Variants in C8orf34 observed in about 807,000 individuals in gnomAD.
C8orf34 encodes the protein chromosome 8 open reading frame 34, also known as uncharacterized protein C8orf34.
In C8orf34, 65 loss-of-function variants were observed where a neutral mutation model predicts 68.3. The ratio of observed to expected loss-of-function variants is 0.95; its 90% CI spans 0.78 to 1.17. C8orf34 has a LOEUF of 1.17. Ranked by LOEUF, C8orf34 falls within the 50% of genes most tolerant of loss-of-function variation. The probability of loss-of-function intolerance (pLI) is 0.00; values close to 1 mark genes in which losing one functional copy is unlikely to be tolerated. For missense variants in C8orf34, 664 were observed against 655.4 expected (o/e 1.01, Z -0.14); for synonymous variants, 244 against 241.2 (o/e 1.01, Z -0.11).
chr8:68,534,371 A>T (rs1413876516), intron 7 of C8orf34: 18 of 968,398 alleles, frequency 1.9e-5, no homozygotes, highest in Non-Finnish European at 2.2e-5. Flanking sequence ...TTTACTGAGC[A>T]CTTACTCTAT....
intron 5 of C8orf34, among the ~76,000 whole-genome samples, chr8:68,494,896 C>G (rs28544398): frequency 6.6e-6 from 1 of 150,402 alleles, no homozygotes; most frequent in East Asian, 1.9e-4. Context: ...AAATATATAT[C>G]TCTCTCAAAA....
At chr8:68,487,984 T>C in intron 4 of C8orf34, 39 bp from the exon 5 acceptor site, 1 of 1,450,298 alleles carries the variant, frequency 6.9e-7, no homozygotes, top group Non-Finnish European at 9.6e-7. Context: ...TAAAGATTGC[T>C]TCTAAAACTT....
At chr8:68,531,015 C>T (rs901323319) in intron 6 of C8orf34, among the ~76,000 whole-genome samples, 1 of 152,074 alleles carries the variant, frequency 6.6e-6, no homozygotes, top group East Asian at 1.9e-4. Flanking sequence ...GAACATTTTA[C>T]CATCTTTATC....
At chr8:68,642,581 A>T (rs1023363017) in intron 8 of C8orf34, among the ~76,000 whole-genome samples, 1 of 152,230 alleles carries the variant, frequency 6.6e-6, no homozygotes, top group African/African-American at 2.4e-5. Flanking sequence ...GGGTATTAGC[A>T]TCTTCACTGG....
intron 10 of C8orf34, among the ~76,000 whole-genome samples, chr8:68,751,477 T>G (rs976471125): frequency 1.1e-4 from 17 of 152,172 alleles, no homozygotes; most frequent in African/African-American, 4.1e-4. Context: ...CTGCAAAGGC[T>G]AAAGGACTTA....
chr8:68,513,407 T>C (rs1001940415), intron 5 of C8orf34, among the ~76,000 whole-genome samples: 1 of 152,158 alleles, frequency 6.6e-6, no homozygotes, highest in Non-Finnish European at 1.5e-5. Context: ...AAGGAACTTA[T>C]TCTCTAAGGT....
chr8:68,519,524 A>G (rs568120251), intron 5 of C8orf34, among the ~76,000 whole-genome samples: 7 of 152,112 alleles, frequency 4.6e-5, no homozygotes, highest in African/African-American at 1.7e-4. Flanking sequence ...AATTGAGATA[A>G]TTTAGTGAAT....
At chr8:68,670,692 C>T (rs1819982785) in intron 8 of C8orf34, among the ~76,000 whole-genome samples, 1 of 152,158 alleles carries the variant, frequency 6.6e-6, no homozygotes, top group Non-Finnish European at 1.5e-5. Flanking sequence ...GTGAAGAAGG[C>T]ATTCAACCCT....
chr8:68,537,505 C>T (rs1418047752), intron 7 of C8orf34, among the ~76,000 whole-genome samples: 4 of 150,942 alleles, frequency 2.7e-5, no homozygotes, highest in Non-Finnish European at 5.9e-5. Flanking sequence ...TTGGCTAATG[C>T]AGTTTGTATC....
intron 8 of C8orf34, among the ~76,000 whole-genome samples, chr8:68,661,080 G>A (rs952555852): frequency 3.9e-5 from 6 of 152,172 alleles, no homozygotes; most frequent in African/African-American, 1.4e-4. Flanking sequence ...GACAGTGAGC[G>A]AGAATTGCTA....
At chr8:68,701,627 C>CCCTA in intron 8 of C8orf34, among the ~76,000 whole-genome samples, 1 of 152,058 alleles carries the variant, frequency 6.6e-6, no homozygotes, top group Non-Finnish European at 1.5e-5. Flanking sequence ...GTGCAAGAGC[C>CCCTA]CCTAAAGTGT....
intron 7 of C8orf34, among the ~76,000 whole-genome samples, chr8:68,555,642 A>G (rs1816228093): frequency 3.3e-5 from 5 of 151,920 alleles, no homozygotes; most frequent in Admixed American, 2.6e-4. Context: ...CTATTATTTC[A>G]CAGTTTTACA....
chr8:68,455,928 AAC>A (rs1811528227), intron 3 of C8orf34, among the ~76,000 whole-genome samples: 1 of 151,906 alleles, frequency 6.6e-6, no homozygotes, highest in Non-Finnish European at 1.5e-5. Context: ...GGTAGAAAAA[AAC>A]AGTTATCAAT....
intron 5 of C8orf34, among the ~76,000 whole-genome samples, chr8:68,497,950 T>C (rs576118312): frequency 7.2e-5 from 11 of 152,122 alleles, no homozygotes; most frequent in Non-Finnish European, 1.2e-4. Flanking sequence ...TGCCTCAGCC[T>C]CCCGTGTAAC....
At chr8:68,628,492 T>G (rs566928308) in intron 7 of C8orf34, among the ~76,000 whole-genome samples, 3 of 152,306 alleles carry the variant, frequency 2.0e-5, no homozygotes, top group African/African-American at 7.2e-5. Context: ...TTCATACACG[T>G]TTTATTTTAA....
chr8:68,466,738 C>CACAT, intron 3 of C8orf34, among the ~76,000 whole-genome samples: 1 of 120,632 alleles, frequency 8.3e-6, no homozygotes, highest in Non-Finnish European at 1.7e-5. Context: ...CAACGTTGTA[C>CACAT]ATATATATAT....
intron 6 of C8orf34, chr8:68,525,411 T>C (rs1040064069): frequency 5.1e-6 from 2 of 391,562 alleles, no homozygotes; most frequent in Admixed American, 8.5e-5. Flanking sequence ...TTATACCTCA[T>C]AACTTATAAA....
At chr8:68,571,566 GT>G (rs11288212) in intron 7 of C8orf34, among the ~76,000 whole-genome samples, 38,625 of 149,892 alleles carry the variant, frequency 0.26, 7,348 homozygotes, top group African/African-American at 0.54. Context: ...TTGTTGGTGG[GT>G]TGAGTTCACT....
intron 12 of C8orf34, among the ~76,000 whole-genome samples, chr8:68,802,773 T>A (rs549361949): frequency 5.6e-4 from 85 of 152,156 alleles, no homozygotes; most frequent in East Asian, 2.9e-3. Context: ...CTGCCAAAGT[T>A]TTCGGGCTAC....
Sources: gnomAD v4.1 joint callset for allele counts (sites outside exome capture counted in the v4.1 genomes callset) on GRCh38, gnomAD v4.1.1 for gene constraint, MANE v1.5 for transcripts, NCBI Gene and HGNC (gene_info 2026-07-23, HGNC 2026-07-21) for gene names.